The following STK39 variants were observed in gnomAD, a reference collection of about 807,000 sequenced individuals.
STK39 encodes serine/threonine kinase 39.
A neutral mutation model predicts 77.8 loss-of-function variants in STK39; 20 were observed. The observed-to-expected ratio is 0.26, with a 90% CI of 0.18 to 0.37. The LOEUF is 0.37. Among genes scored for constraint, STK39 ranks in the 10% least tolerant of loss-of-function variants. STK39 has a pLI of 1.00. For synonymous variants in STK39, 246 were observed against 234.1 expected, an observed-to-expected ratio of 1.05 and a Z score of -0.47; for missense variants, 479 against 656.5, an observed-to-expected ratio of 0.73 and a Z score of 2.95.
intron 12 of STK39, among the ~76,000 whole-genome samples, chr2:168,070,263 CAAG>C (rs2105396085): frequency 6.6e-6 from 1 of 152,148 alleles, no homozygotes; most frequent in East Asian, 1.9e-4. Flanking sequence ...AACACAGTTC[CAAG>C]TGGAAATCAG....
At chr2:168,094,313 T>C (rs1424037124) in intron 10 of STK39, among the ~76,000 whole-genome samples, 1 of 152,214 alleles carries the variant, frequency 6.6e-6, no homozygotes, top group Admixed American at 6.5e-5. Flanking sequence ...GAACAATAAA[T>C]GTGCACCAAA....
At chr2:167,994,430 T>C (rs1424756607) in intron 16 of STK39, among the ~76,000 whole-genome samples, 1 of 152,218 alleles carries the variant, frequency 6.6e-6, no homozygotes, top group African/African-American at 2.4e-5. Flanking sequence ...GTTTTTTGTG[T>C]GTGTGTGGAG....
chr2:168,102,025 G>A (rs1453045364), intron 10 of STK39, among the ~76,000 whole-genome samples: 1 of 152,084 alleles, frequency 6.6e-6, no homozygotes, highest in Non-Finnish European at 1.5e-5. Flanking sequence ...TCACATAAAC[G>A]GAATCATCCA....
intron 10 of STK39, among the ~76,000 whole-genome samples, chr2:168,097,739 C>CA (rs34477630): frequency 0.018 from 2,617 of 145,230 alleles, 36 homozygotes; most frequent in Middle Eastern, 0.042. Flanking sequence ...GTCTCAAAAA[C>CA]AAAAAAAAAA....
intron 1 of STK39, among the ~76,000 whole-genome samples, chr2:168,185,853 GCCATGTAGCAGGCAGTT>G (rs1311714091): frequency 1.3e-5 from 2 of 152,094 alleles, no homozygotes; most frequent in Non-Finnish European, 2.9e-5. Flanking sequence ...TTAAATCCCT[GCCATGTAGCAGGCAGTT>G]CACTAGATAA....
intron 14 of STK39, among the ~76,000 whole-genome samples, chr2:168,018,587 AAAG>A (rs1684490892): frequency 6.6e-6 from 1 of 151,058 alleles, no homozygotes; most frequent in South Asian, 2.1e-4. Context: ...AGAAAGAAAG[AAAG>A]AAAGAAAGAA....
intron 10 of STK39, among the ~76,000 whole-genome samples, chr2:168,114,793 C>CA (rs35011786): frequency 0.38 from 57,659 of 151,990 alleles, 11,890 homozygotes; most frequent in South Asian, 0.53. Context: ...CAAGCATCTA[C>CA]AACCAGAAGC....
intron 5 of STK39, among the ~76,000 whole-genome samples, chr2:168,150,337 C>T (rs1688246633): frequency 6.6e-6 from 1 of 152,186 alleles, no homozygotes; most frequent in Non-Finnish European, 1.5e-5. Flanking sequence ...AAACATAAAT[C>T]ATATCCCACA....
chr2:167,991,649 G>A (rs1209239255), intron 16 of STK39, among the ~76,000 whole-genome samples: 2 of 152,270 alleles, frequency 1.3e-5, no homozygotes, highest in East Asian at 1.9e-4. Flanking sequence ...TATTAATAAG[G>A]ACTATCAATA....
chr2:168,051,605 A>T (rs1220254602), intron 14 of STK39, among the ~76,000 whole-genome samples: 1 of 152,144 alleles, frequency 6.6e-6, no homozygotes, highest in African/African-American at 2.4e-5. Context: ...GAGAGCAAGG[A>T]GGCCCTCCAC....
At chr2:168,161,273 T>C (rs3820858) in intron 5 of STK39, among the ~76,000 whole-genome samples, 42,311 of 152,076 alleles carry the variant, frequency 0.28, 6,793 homozygotes, top group East Asian at 0.56. Flanking sequence ...CCTGATATTG[T>C]GTGTTCATGT....
chr2:168,027,018 A>G (rs1257573420), intron 14 of STK39, among the ~76,000 whole-genome samples: 1 of 152,200 alleles, frequency 6.6e-6, no homozygotes, highest in Non-Finnish European at 1.5e-5. Flanking sequence ...ACATTCCTAT[A>G]TGTTGAAATG....
chr2:168,143,645 C>T (rs1688053439), intron 5 of STK39, among the ~76,000 whole-genome samples: 2 of 151,602 alleles, frequency 1.3e-5, no homozygotes, highest in South Asian at 2.1e-4. Flanking sequence ...ACCCAGGAGG[C>T]GGAGGTTGCA....
At chr2:168,069,755 C>T (rs1445149571) in intron 12 of STK39, among the ~76,000 whole-genome samples, 7 of 152,182 alleles carry the variant, frequency 4.6e-5, no homozygotes, top group Non-Finnish European at 7.4e-5. Context: ...GCCTGGACAT[C>T]ATCCCAAATT....
intron 1 of STK39, among the ~76,000 whole-genome samples, chr2:168,241,378 A>AGG (rs1309155397): frequency 6.6e-6 from 1 of 152,218 alleles, no homozygotes; most frequent in Non-Finnish European, 1.5e-5. Flanking sequence ...CAGTCCTAGC[A>AGG]GGTTGTTCTC....
chr2:168,080,490 C>T (rs891708679), intron 10 of STK39, among the ~76,000 whole-genome samples: 10 of 151,996 alleles, frequency 6.6e-5, no homozygotes, highest in African/African-American at 2.4e-4. Context: ...ATTAGCCGGG[C>T]GTGGTGGCAG....
chr2:168,045,190 T>G (rs1411700738), intron 14 of STK39, among the ~76,000 whole-genome samples: 2 of 152,146 alleles, frequency 1.3e-5, no homozygotes, highest in Non-Finnish European at 2.9e-5. Flanking sequence ...AAAAATCAAG[T>G]TAGTCCTAAA....
chr2:168,206,603 G>A (rs961436486), intron 1 of STK39, among the ~76,000 whole-genome samples: 11 of 152,182 alleles, frequency 7.2e-5, no homozygotes, highest in African/African-American at 2.6e-4. Flanking sequence ...GCCCGGCTGA[G>A]ATCTAGACTC....
At chr2:168,089,570 G>T (rs1426010787) in intron 10 of STK39, among the ~76,000 whole-genome samples, 3 of 152,168 alleles carry the variant, frequency 2.0e-5, no homozygotes, top group Admixed American at 1.3e-4. Flanking sequence ...ATTTTCACCT[G>T]CATTTATTGC....
Sources: gnomAD v4.1 joint callset for allele counts (sites outside exome capture counted in the v4.1 genomes callset) on GRCh38, gnomAD v4.1.1 for gene constraint, MANE v1.5 for transcripts, NCBI Gene and HGNC (gene_info 2026-07-23, HGNC 2026-07-21) for gene names.